The following LRRC37A2 variants were observed in gnomAD, a reference collection of about 807,000 sequenced individuals.
LRRC37A2 encodes the protein leucine-rich repeat-containing protein 37A2.
In LRRC37A2, 9 loss-of-function variants were observed where a neutral mutation model predicts 68.8. The ratio of observed to expected loss-of-function variants is 0.13; its 90% CI spans 0.08 to 0.23. LRRC37A2 has a LOEUF of 0.23. Ranked by LOEUF, LRRC37A2 falls within the 10% of genes least tolerant of loss-of-function variation. The pLI is 1.00. For missense variants in LRRC37A2, 168 were observed against 950.4 expected (o/e 0.18, Z 10.82); for synonymous variants, 63 against 367.6 (o/e 0.17, Z 9.48).
At chr17:46,933,823 G>A in the LRRC37A2 span, among the ~76,000 whole-genome samples, 34 of 151,878 alleles carry the variant, frequency 2.2e-4, no homozygotes, top group African/African-American at 8.0e-4. Context: ...AATTAGCCGG[G>A]CGTGGTGGCG....
chr17:46,725,673 A>G, the LRRC37A2 span, among the ~76,000 whole-genome samples: 1 of 152,158 alleles, frequency 6.6e-6, no homozygotes, highest in African/African-American at 2.4e-5. Context: ...AGGAAGGAAT[A>G]TATGCCATTC....
chr17:46,969,838 G>A, the LRRC37A2 span, among the ~76,000 whole-genome samples: 1 of 152,178 alleles, frequency 6.6e-6, no homozygotes, highest in African/African-American at 2.4e-5. Flanking sequence ...CATTGCAAGA[G>A]AGGTGCTTGT....
At chr17:46,900,162 CAT>C in the LRRC37A2 span, among the ~76,000 whole-genome samples, 5 of 101,144 alleles carry the variant, frequency 4.9e-5, no homozygotes, top group African/African-American at 9.7e-5. Context: ...TATATATATA[CAT>C]ATACATATAT....
the LRRC37A2 span, among the ~76,000 whole-genome samples, chr17:47,046,145 G>A: frequency 8.6e-6 from 1 of 115,836 alleles, no homozygotes; most frequent in African/African-American, 3.2e-5. Flanking sequence ...TGAGCAACAT[G>A]GGGAAACCCT....
the LRRC37A2 span, among the ~76,000 whole-genome samples, chr17:46,781,183 G>A: frequency 2.6e-3 from 387 of 151,118 alleles, 2 homozygotes; most frequent in African/African-American, 8.9e-3. Context: ...AGCCAGTTGC[G>A]CCACTGCACT....
At chr17:46,917,704 G>A in the LRRC37A2 span, among the ~76,000 whole-genome samples, 88,047 of 152,146 alleles carry the variant, frequency 0.58, 25,602 homozygotes, top group Non-Finnish European at 0.62. Flanking sequence ...CCACATTTCC[G>A]CTTGGCGTTG....
the LRRC37A2 span, among the ~76,000 whole-genome samples, chr17:46,774,679 G>C: frequency 2.0e-5 from 3 of 152,174 alleles, no homozygotes; most frequent in Non-Finnish European, 2.9e-5. Context: ...CCCTCGCTTT[G>C]TAATCAATAT....
chr17:46,907,855 T>TA, the LRRC37A2 span, among the ~76,000 whole-genome samples: 209 of 143,744 alleles, frequency 1.5e-3, no homozygotes, highest in African/African-American at 4.2e-3. Context: ...GACCCTGTCT[T>TA]AAAAAAAAAA....
chr17:46,723,564 A>C, the LRRC37A2 span, among the ~76,000 whole-genome samples: 1 of 152,202 alleles, frequency 6.6e-6, no homozygotes, highest in African/African-American at 2.4e-5. Flanking sequence ...GGGGAGGAGA[A>C]GATAAAAGGC....
chr17:47,034,032 T>C, the LRRC37A2 span, among the ~76,000 whole-genome samples: 3 of 152,144 alleles, frequency 2.0e-5, no homozygotes, highest in Admixed American at 6.5e-5. Context: ...GATCATCTAC[T>C]GTGAATCTAA....
the LRRC37A2 span, among the ~76,000 whole-genome samples, chr17:46,884,791 C>A: frequency 6.6e-6 from 1 of 152,150 alleles, no homozygotes; most frequent in South Asian, 2.1e-4. Flanking sequence ...AGCTTTCAGA[C>A]CCAGTGAAGG....
chr17:46,924,106 G>T, the LRRC37A2 span, among the ~76,000 whole-genome samples: 1 of 152,292 alleles, frequency 6.6e-6, no homozygotes, highest in African/African-American at 2.4e-5. Context: ...CAGTGTGCCT[G>T]TTAATCAGTA....
chr17:46,732,255 T>C, the LRRC37A2 span, among the ~76,000 whole-genome samples: 15 of 152,082 alleles, frequency 9.9e-5, no homozygotes, highest in Admixed American at 9.8e-4. Flanking sequence ...CACAGAAAAA[T>C]TGTGTGTGCA....
chr17:46,892,284 A>T, the LRRC37A2 span, among the ~76,000 whole-genome samples: 8 of 152,002 alleles, frequency 5.3e-5, no homozygotes, highest in South Asian at 1.7e-3. Flanking sequence ...TAAGTCCCTC[A>T]GCTCTTCCCC....
At chr17:46,911,936 G>A in the LRRC37A2 span, among the ~76,000 whole-genome samples, 10 of 152,188 alleles carry the variant, frequency 6.6e-5, no homozygotes, top group Admixed American at 3.3e-4. Context: ...TGAGGAGCTC[G>A]TAAGGAATGA....
chr17:46,958,321 C>T, the LRRC37A2 span, among the ~76,000 whole-genome samples: 1 of 152,230 alleles, frequency 6.6e-6, no homozygotes, highest in Admixed American at 6.5e-5. Context: ...TAATTCAAGA[C>T]AGGATCTCCA....
At chr17:46,940,941 C>T in the LRRC37A2 span, 1 of 1,268,900 alleles carries the variant, frequency 7.9e-7, no homozygotes. Flanking sequence ...CTTGGCCTAA[C>T]AGTGTGACTC....
At chr17:46,881,196 C>T in the LRRC37A2 span, among the ~76,000 whole-genome samples, 1 of 152,228 alleles carries the variant, frequency 6.6e-6, no homozygotes, top group Non-Finnish European at 1.5e-5. Flanking sequence ...TTCAGCCCTG[C>T]TGGGGTCCAC....
the LRRC37A2 span, among the ~76,000 whole-genome samples, chr17:46,714,430 A>G: frequency 6.6e-6 from 1 of 152,238 alleles, no homozygotes; most frequent in Non-Finnish European, 1.5e-5. Flanking sequence ...GGATAGTTTT[A>G]TATTAGGTAA....
Sources: allele counts gnomAD v4.1 joint callset (sites outside exome capture counted in the v4.1 genomes callset), GRCh38; gene constraint gnomAD v4.1.1; transcripts MANE v1.5; gene names NCBI Gene and HGNC (gene_info 2026-07-23, HGNC 2026-07-21).